Variants in GSK3B observed in about 807,000 individuals in gnomAD.
GSK3B encodes the protein glycogen synthase kinase-3 beta.
A neutral mutation model predicts 56.4 loss-of-function variants in GSK3B; 15 were observed. That is an observed-to-expected ratio of 0.27 (90% CI 0.18 to 0.41). GSK3B has a LOEUF of 0.41. Ranked by LOEUF, GSK3B falls within the 10% of genes least tolerant of loss-of-function variation. The pLI is 1.00. For synonymous variants in GSK3B, 181 were observed against 188.9 expected (o/e 0.96, Z 0.34); for missense variants, 300 against 513.4 (o/e 0.58, Z 4.02).
intron 2 of GSK3B, among the ~76,000 whole-genome samples, chr3:119,998,544 C>A (rs577632291): frequency 3.3e-5 from 5 of 152,192 alleles, no homozygotes; most frequent in South Asian, 2.1e-4. Flanking sequence ...ATAATAAAAT[C>A]TTTGTTGCTC....
intron 1 of GSK3B, among the ~76,000 whole-genome samples, chr3:120,024,638 T>C (rs190568411): frequency 1.3e-5 from 2 of 152,320 alleles, no homozygotes; most frequent in African/African-American, 4.8e-5. Context: ...GAAAAGCAGA[T>C]ACTATTTATA....
intron 1 of GSK3B, among the ~76,000 whole-genome samples, chr3:120,007,275 A>C (rs1326480552): frequency 6.6e-6 from 1 of 152,162 alleles, no homozygotes; most frequent in Admixed American, 6.5e-5. Context: ...TTAATAGCCT[A>C]CCAACCAAAA....
At chr3:119,879,832 T>C (rs1920543) in intron 7 of GSK3B, among the ~76,000 whole-genome samples, 2,441 of 152,318 alleles carry the variant, frequency 0.016, 63 homozygotes, top group African/African-American at 0.056. Context: ...TGAGTATATA[T>C]ATCACATTTT....
At chr3:119,946,028 G>C (rs1299574721) in intron 3 of GSK3B, among the ~76,000 whole-genome samples, 1 of 150,740 alleles carries the variant, frequency 6.6e-6, no homozygotes, top group Non-Finnish European at 1.5e-5. Flanking sequence ...GTTTTAAAAA[G>C]CTCTAATACT....
intron 2 of GSK3B, among the ~76,000 whole-genome samples, chr3:119,970,548 G>A (rs866327464): frequency 6.6e-6 from 1 of 150,664 alleles, no homozygotes; most frequent in African/African-American, 2.4e-5. Context: ...AAGGCCGGTG[G>A]ATCACAAGGT....
intron 1 of GSK3B, among the ~76,000 whole-genome samples, chr3:120,046,843 TC>T (rs2058107634): frequency 6.6e-6 from 1 of 152,114 alleles, no homozygotes; most frequent in Non-Finnish European, 1.5e-5. Context: ...ACTCCTAACC[TC>T]AAGTGATCTG....
At chr3:119,914,894 G>A (rs1342851709) in intron 5 of GSK3B, among the ~76,000 whole-genome samples, 1 of 152,106 alleles carries the variant, frequency 6.6e-6, no homozygotes, top group East Asian at 1.9e-4. Context: ...CAAGTGTGGG[G>A]CAATATGTTA....
At chr3:119,844,456 G>A (rs1036404576) in intron 9 of GSK3B, among the ~76,000 whole-genome samples, 11 of 151,766 alleles carry the variant, frequency 7.2e-5, no homozygotes, top group African/African-American at 2.7e-4. Flanking sequence ...AAAGGAAAGA[G>A]AGAAGAATCA....
At chr3:119,894,748 G>A (rs1464926504) in intron 7 of GSK3B, among the ~76,000 whole-genome samples, 1 of 152,032 alleles carries the variant, frequency 6.6e-6, no homozygotes, top group East Asian at 1.9e-4. Context: ...ATTTGACAAA[G>A]TCCAATTTAC....
At chr3:120,042,232 C>G (rs1011769324) in intron 1 of GSK3B, among the ~76,000 whole-genome samples, 1 of 152,172 alleles carries the variant, frequency 6.6e-6, no homozygotes, top group Admixed American at 6.5e-5. Context: ...CTTCCTCCTC[C>G]TACTGTGATC....
intron 10 of GSK3B, chr3:119,833,035 G>A: frequency 1.1e-6 from 1 of 927,162 alleles, no homozygotes; most frequent in Non-Finnish European, 1.3e-6. Context: ...ATGGTCAACT[G>A]TCTCAATACT....
Position 119,822,427 on chromosome 3 carries a change from T to C in GSK3B, c.*4361A>G, listed in dbSNP as rs1000323499. On this transcript the variant is annotated 3_prime_UTR_variant, in exon 11 of 11. Transcript: ENST00000264235. ...ATCTGTATCTGCCTGTAGACAGATA[T>C]AGTTAAGGAAAAAAAAACTTAAAAA... 2 of 220,056 alleles carry C rather than the reference T, an allele frequency of 9.1e-6. No homozygotes were observed. The highest frequency in any genetic ancestry group is 1.2e-4 in the Admixed American group (2 of 17,306). 13.6% of individuals were successfully genotyped at this position (220,056 alleles called of 1,614,324 possible). A position where few individuals can be genotyped will look rare whatever the true frequency, so the allele number is the denominator to read the frequency against.
At position 119,843,276 on chromosome 3, in the gene GSK3B, T is replaced by C. The variant is rs967006187; in HGVS notation, c.1174A>G (p.Thr392Ala). 1 of 1,608,602 alleles carries C rather than the reference T, an allele frequency of 6.2e-7. No individual in the cohort carries two copies. Among genetic ancestry groups the C allele is most frequent in the African/African-American group, 1.3e-5 (1 of 74,728 alleles). Residue 392 changes from threonine (T) to alanine (A), a missense_variant, in exon 10 of 11, where the codon ACA (threonine) becomes GCA (alanine). Thr to Ala is a moderately conservative substitution (Grantham distance 58). Around this residue, in one of 6 missense-constraint regions of GSK3B, gnomAD observed 88 missense variants for 92.7 expected, o/e 0.95. Coordinates refer to ENST00000264235, the MANE Select transcript of GSK3B (RefSeq NM_001146156.2). ...ARIQAAASTPTNATAASDANT... is the reference protein window; with the variant it reads ...ARIQAAASTPANATAASDANT... Reference sequence around the variant, plus strand: ...TTACCTGACGCTGCTGTGGCATTTGTGGGGGTTGAAGCAGCTGCTTGAATC... The same window carrying C: ...TTACCTGACGCTGCTGTGGCATTTGCGGGGGTTGAAGCAGCTGCTTGAATC...
intron 1 of GSK3B, among the ~76,000 whole-genome samples, chr3:120,079,483 T>C (rs1273117402): frequency 6.6e-6 from 1 of 151,912 alleles, no homozygotes; most frequent in African/African-American, 2.4e-5. Flanking sequence ...CAACCTCCAC[T>C]TCCCAGGTCC....
At chr3:119,906,166 CTATT>C (rs1353350401) in intron 6 of GSK3B, among the ~76,000 whole-genome samples, 1 of 152,068 alleles carries the variant, frequency 6.6e-6, no homozygotes, top group Non-Finnish European at 1.5e-5. Context: ...GCAGGACTAT[CTATT>C]TATCTTACTT....
intron 7 of GSK3B, among the ~76,000 whole-genome samples, chr3:119,876,825 A>G (rs896109289): frequency 3.9e-5 from 6 of 152,134 alleles, no homozygotes; most frequent in African/African-American, 1.4e-4. Context: ...TAGAAATGTA[A>G]GTTTGGCTCC....
At chr3:120,048,801 C>G (rs2058124338) in intron 1 of GSK3B, among the ~76,000 whole-genome samples, 1 of 152,164 alleles carries the variant, frequency 6.6e-6, no homozygotes, top group South Asian at 2.1e-4. Context: ...CATTTATACC[C>G]AGAATAACAG....
At chr3:120,052,838 A>C (rs1374861167) in intron 1 of GSK3B, among the ~76,000 whole-genome samples, 3 of 152,212 alleles carry the variant, frequency 2.0e-5, no homozygotes, top group Non-Finnish European at 2.9e-5. Context: ...AGTTTGTACC[A>C]AGCTATGTTT....
At chr3:119,919,492 G>T (rs1349215373) in intron 4 of GSK3B, among the ~76,000 whole-genome samples, 3 of 145,356 alleles carry the variant, frequency 2.1e-5, no homozygotes, top group East Asian at 4.0e-4. Context: ...AATAGATCTG[G>T]CCTCTGAAAG....
Sources: allele counts gnomAD v4.1 joint callset (sites outside exome capture counted in the v4.1 genomes callset), GRCh38; gene constraint gnomAD v4.1.1; regional missense constraint gnomAD v4.1.1; transcripts MANE v1.5; gene names NCBI Gene and HGNC (gene_info 2026-07-23, HGNC 2026-07-21).